Variants in XIRP2 observed in about 807,000 individuals in gnomAD.
XIRP2 encodes the protein xin actin-binding repeat-containing protein 2.
XIRP2 carries 236 observed loss-of-function variants against 277.0 expected under a neutral mutation model. The observed-to-expected ratio is 0.85, with a 90% confidence interval of 0.77 to 0.95. The LOEUF (loss-of-function observed/expected upper bound fraction) is 0.95. Ranked by LOEUF, XIRP2 falls within the 40% of genes least tolerant of loss-of-function variation. XIRP2 has a pLI of 0.00. For missense variants in XIRP2, 4,640 were observed against 4,157.5 expected (o/e 1.12, Z -3.19); for synonymous variants, 1,490 against 1,416.5 (o/e 1.05, Z -1.17).
intron 2 of XIRP2, among the ~76,000 whole-genome samples, chr2:167,083,572 A>G (rs892573030): frequency 6.6e-6 from 1 of 152,214 alleles, no homozygotes; most frequent in African/African-American, 2.4e-5. Flanking sequence ...CTTCCTACCC[A>G]TGGCCATGGA....
chr2:167,023,248 G>T (rs1473914843), intron 2 of XIRP2, among the ~76,000 whole-genome samples: 1 of 152,138 alleles, frequency 6.6e-6, no homozygotes, highest in African/African-American at 2.4e-5. Context: ...CTGCATAAAT[G>T]TCTTCTTTTG....
chr2:166,963,275 TA>T (rs56972285), intron 2 of XIRP2, among the ~76,000 whole-genome samples: 4,570 of 151,892 alleles, frequency 0.03, 99 homozygotes, highest in East Asian at 0.078. Context: ...ACTATTTATA[TA>T]TTTATTTAGC....
chr2:166,950,085 A>G (rs1685987864), intron 2 of XIRP2, among the ~76,000 whole-genome samples: 1 of 152,052 alleles, frequency 6.6e-6, no homozygotes, highest in South Asian at 2.1e-4. Context: ...TTACATACAG[A>G]TAGTTTTATA....
At chr2:167,091,876 A>C (rs761518251) in intron 2 of XIRP2, among the ~76,000 whole-genome samples, 7 of 152,164 alleles carry the variant, frequency 4.6e-5, no homozygotes, top group Non-Finnish European at 8.8e-5. Flanking sequence ...GTCAATTGTC[A>C]GGTCACGTTT....
chr2:167,015,418 T>TTATA (rs1553478317), intron 2 of XIRP2, among the ~76,000 whole-genome samples: 1 of 147,148 alleles, frequency 6.8e-6, no homozygotes, highest in African/African-American at 2.5e-5. Context: ...TATCTGTCTT[T>TTATA]TATCTATCTA....
chr2:167,145,823 C>T (rs1290099050), intron 3 of XIRP2, among the ~76,000 whole-genome samples: 1 of 152,146 alleles, frequency 6.6e-6, no homozygotes, highest in African/African-American at 2.4e-5. Context: ...TAAGTCAAAT[C>T]ACCTTCACAC....
chr2:167,168,541 A>G (rs1692587755), intron 3 of XIRP2, among the ~76,000 whole-genome samples: 1 of 152,212 alleles, frequency 6.6e-6, no homozygotes, highest in African/African-American at 2.4e-5. Flanking sequence ...CATCAAAAAC[A>G]TTCTTCAATT....
chr2:167,257,794 C>T, intron 10 of XIRP2, 63 bp from the exon 11 acceptor site: 1 of 1,482,136 alleles, frequency 6.7e-7, no homozygotes, highest in Non-Finnish European at 9.0e-7. Context: ...AATAATTAAT[C>T]CCCAATTCCC....
chr2:167,215,658 C>T (rs1694225387), intron 4 of XIRP2, among the ~76,000 whole-genome samples: 1 of 152,126 alleles, frequency 6.6e-6, no homozygotes, highest in East Asian at 1.9e-4. Context: ...TATGTCAGGA[C>T]TGGGTCAGAC....
At chr2:167,110,043 G>T (rs1439011383) in intron 2 of XIRP2, among the ~76,000 whole-genome samples, 1 of 150,042 alleles carries the variant, frequency 6.7e-6, no homozygotes, top group Non-Finnish European at 1.5e-5. Flanking sequence ...TTGTAAATTT[G>T]TTTAAGTTCC....
At chr2:166,893,897 A>G (rs886767947) in intron 1 of XIRP2, among the ~76,000 whole-genome samples, 3 of 152,192 alleles carry the variant, frequency 2.0e-5, no homozygotes, top group Admixed American at 1.3e-4. Flanking sequence ...AAGAGTTATG[A>G]CTTACAAGAA....
intron 2 of XIRP2, among the ~76,000 whole-genome samples, chr2:167,125,248 AT>A (rs1691168366): frequency 6.6e-6 from 1 of 152,156 alleles, no homozygotes; most frequent in Non-Finnish European, 1.5e-5. Context: ...TCAGCTCATC[AT>A]TTATCAAGTA....
intron 2 of XIRP2, among the ~76,000 whole-genome samples, chr2:167,003,324 A>T (rs905997796): frequency 6.6e-6 from 1 of 151,980 alleles, no homozygotes; most frequent in African/African-American, 2.4e-5. Context: ...AATAGGATGA[A>T]TTAAATAAAT....
At position 167,162,319 on chromosome 2, in the gene XIRP2, G is replaced by C. The variant is rs1692393752; in HGVS notation, c.562+26257G>C. Among the ~76,000 whole-genome samples the C allele has an allele frequency of 2.0e-5, 3 of 152,308 alleles. No individual in the cohort carries two copies. In the East Asian group the frequency reaches 5.8e-4, roughly 29 times the overall value. On this transcript the variant is annotated intron_variant, in intron 3 of 10. Transcript: ENST00000409195. Reference sequence around the variant, plus strand: ...TGGTACCAATTTGCTGTATTAGTCTGTTCTCACGTTGCTGATAAAGACATT... The same window carrying C: ...TGGTACCAATTTGCTGTATTAGTCTCTTCTCACGTTGCTGATAAAGACATT...
At chr2:167,085,237 A>G (rs1484798055) in intron 2 of XIRP2, among the ~76,000 whole-genome samples, 1 of 151,194 alleles carries the variant, frequency 6.6e-6, no homozygotes, top group African/African-American at 2.4e-5. Context: ...TTCAGTTTCC[A>G]TGTAGTTGAG....
chr2:167,030,389 G>T (rs1688310174), intron 2 of XIRP2, among the ~76,000 whole-genome samples: 1 of 151,946 alleles, frequency 6.6e-6, no homozygotes, highest in Non-Finnish European at 1.5e-5. Context: ...CTTTATCTGG[G>T]CCGTAGATAT....
intron 5 of XIRP2, among the ~76,000 whole-genome samples, chr2:167,235,723 T>C (rs1180675392): frequency 6.6e-6 from 1 of 151,862 alleles, no homozygotes; most frequent in Non-Finnish European, 1.5e-5. Context: ...AGCTAAGTCT[T>C]TAAGAGGGTA....
In XIRP2 at chr2:167,082,775, C is replaced by G. The variant is rs1355547606; in HGVS notation, c.409-53134C>G. On this transcript the variant is annotated intron_variant, in intron 2 of 10. Coordinates refer to ENST00000409195, the MANE Select transcript of XIRP2 (RefSeq NM_152381.6). ...AGTGTCTGTTCATGTCCTTCACCCA[C>G]TTTTTGATGGGGTTGTTTGTTTTTT... Among the ~76,000 whole-genome samples, 18 of 152,276 alleles carry G rather than the reference C, an allele frequency of 1.2e-4. No homozygotes were observed. The East Asian group carries it at 2.9e-3, about 24-fold the overall frequency.
intron 2 of XIRP2, among the ~76,000 whole-genome samples, chr2:167,114,515 T>C (rs1193441038): frequency 6.6e-6 from 1 of 152,118 alleles, no homozygotes; most frequent in Non-Finnish European, 1.5e-5. Flanking sequence ...TACATATGTA[T>C]ACATGTGCCA....
Sources: allele counts gnomAD v4.1 joint callset (sites outside exome capture counted in the v4.1 genomes callset), GRCh38; gene constraint gnomAD v4.1.1; transcripts MANE v1.5; gene names NCBI Gene and HGNC (gene_info 2026-07-23, HGNC 2026-07-21).